The following SGMS1 variants were observed in gnomAD, a reference collection of about 807,000 sequenced individuals.
SGMS1 encodes the protein phosphatidylcholine:ceramide cholinephosphotransferase 1.
SGMS1 carries 13 observed loss-of-function variants against 46.2 expected under a neutral mutation model. The observed-to-expected ratio is 0.28, with a 90% confidence interval of 0.18 to 0.45. The LOEUF (loss-of-function observed/expected upper bound fraction) is 0.45, where lower values mean the gene tolerates loss of function less well. SGMS1 is among the 20% of genes least tolerant of loss of function. SGMS1 has a pLI of 1.00. For synonymous variants in SGMS1, 203 were observed against 187.8 expected (o/e 1.08, Z -0.66); for missense variants, 324 against 519.9 (o/e 0.62, Z 3.66).
At chr10:50,546,050 A>T (rs1347159493) in intron 2 of SGMS1, among the ~76,000 whole-genome samples, 1 of 152,172 alleles carries the variant, frequency 6.6e-6, no homozygotes, top group Non-Finnish European at 1.5e-5. Flanking sequence ...GGGAAGTCTA[A>T]ATACTTCTAA....
intron 2 of SGMS1, among the ~76,000 whole-genome samples, chr10:50,523,041 T>C (rs1019444142): frequency 6.6e-6 from 1 of 152,162 alleles, no homozygotes; most frequent in African/African-American, 2.4e-5. Flanking sequence ...GCGGGGAAAG[T>C]GTTCAAGCAG....
intron 2 of SGMS1, among the ~76,000 whole-genome samples, chr10:50,578,065 T>C (rs1283245141): frequency 3.3e-5 from 5 of 152,232 alleles, no homozygotes; most frequent in African/African-American, 9.6e-5. Flanking sequence ...GAGCAGATCA[T>C]GAAATAATCC....
chr10:50,400,836 TC>T (rs1264600289), intron 6 of SGMS1, among the ~76,000 whole-genome samples: 3 of 152,140 alleles, frequency 2.0e-5, no homozygotes, highest in African/African-American at 4.8e-5. Context: ...AGTTGTCAGA[TC>T]CTGTCTTATG....
At chr10:50,513,738 C>T (rs111579807) in intron 3 of SGMS1, among the ~76,000 whole-genome samples, 215 of 152,230 alleles carry the variant, frequency 1.4e-3, no homozygotes, top group African/African-American at 4.8e-3. Context: ...CATTTAGACC[C>T]AGACTGTTTC....
chr10:50,445,083 T>C (rs1338094994), intron 5 of SGMS1, among the ~76,000 whole-genome samples: 1 of 152,114 alleles, frequency 6.6e-6, no homozygotes, highest in East Asian at 1.9e-4. Flanking sequence ...AGAGGACACA[T>C]GAATGGCCAA....
intron 2 of SGMS1, among the ~76,000 whole-genome samples, chr10:50,576,189 T>C (rs1165850801): frequency 6.6e-6 from 1 of 152,140 alleles, no homozygotes; most frequent in African/African-American, 2.4e-5. Flanking sequence ...AGACAGGTAA[T>C]GGATGTGCTG....
intron 2 of SGMS1, among the ~76,000 whole-genome samples, chr10:50,567,368 T>C (rs1838298087): frequency 6.6e-6 from 1 of 152,228 alleles, no homozygotes; most frequent in South Asian, 2.1e-4. Context: ...TGACCGTATA[T>C]TCTAGTGGTG....
chr10:50,449,640 CGTGTGTGT>C (rs10581530), intron 5 of SGMS1, among the ~76,000 whole-genome samples: 6 of 150,076 alleles, frequency 4.0e-5, no homozygotes, highest in African/African-American at 1.2e-4. Context: ...AGTGTGTGCA[CGTGTGTGT>C]GTGTGTGTGT....
intron 1 of SGMS1, among the ~76,000 whole-genome samples, chr10:50,591,327 C>T (rs7088141): frequency 0.21 from 31,815 of 152,074 alleles, 4,301 homozygotes; most frequent in East Asian, 0.64. Flanking sequence ...TCTCACTATA[C>T]AGATCACCTC....
intron 5 of SGMS1, among the ~76,000 whole-genome samples, chr10:50,458,730 A>G (rs1424810252): frequency 6.6e-6 from 1 of 152,052 alleles, no homozygotes; most frequent in Admixed American, 6.5e-5. Flanking sequence ...TTCATCTTTC[A>G]GTGAGGTTGA....
rs1242934822 is a variant in SGMS1, at chr10:50,305,847, T to C, written c.*1295A>G. ...ACGTAAAATACAGAATGGATATATA[T>C]ACTTCTTCATTCTTAAAAAACTATT... On this transcript the variant is annotated 3_prime_UTR_variant, in exon 11 of 11. Coordinates refer to ENST00000361781, the MANE Select transcript of SGMS1 (RefSeq NM_147156.4). 5 of 152,726 alleles carry C rather than the reference T, an allele frequency of 3.3e-5. No homozygotes were observed. Among genetic ancestry groups the C allele is most frequent in the African/African-American group, 1.2e-4 (5 of 41,470 alleles). The allele number at this position is 152,726 out of a possible 1,614,324, so 9.5% of individuals were successfully genotyped here.
chr10:50,314,826 T>A (rs1289653252), intron 8 of SGMS1, among the ~76,000 whole-genome samples: 1 of 151,934 alleles, frequency 6.6e-6, no homozygotes, highest in Non-Finnish European at 1.5e-5. Context: ...AAGGCTAAGG[T>A]GGGAGGATCC....
intron 1 of SGMS1, among the ~76,000 whole-genome samples, chr10:50,603,913 C>A (rs1838671273): frequency 6.6e-6 from 1 of 152,064 alleles, no homozygotes; most frequent in South Asian, 2.1e-4. Context: ...ACTAAATTTT[C>A]AAAAATGTAG....
intron 3 of SGMS1, among the ~76,000 whole-genome samples, chr10:50,477,721 C>T (rs1456738927): frequency 6.6e-6 from 1 of 152,156 alleles, no homozygotes; most frequent in African/African-American, 2.4e-5. Context: ...AGTGCTGTCT[C>T]ATGATAGAGT....
intron 6 of SGMS1, among the ~76,000 whole-genome samples, chr10:50,402,526 C>T (rs1050012270): frequency 2.6e-5 from 4 of 152,102 alleles, no homozygotes; most frequent in African/African-American, 9.7e-5. Flanking sequence ...CACAGTATTG[C>T]CCTTCATAGG....
intron 7 of SGMS1, among the ~76,000 whole-genome samples, chr10:50,329,588 G>A (rs968375617): frequency 2.6e-5 from 4 of 152,058 alleles, no homozygotes; most frequent in African/African-American, 9.7e-5. Context: ...TGCACTTCTG[G>A]GCGTTCACTT....
At chr10:50,612,841 T>A (rs1838763196) in intron 1 of SGMS1, among the ~76,000 whole-genome samples, 1 of 152,228 alleles carries the variant, frequency 6.6e-6, no homozygotes, top group African/African-American at 2.4e-5. Context: ...CCTGAGTAGC[T>A]AGGATTACAG....
At chr10:50,413,494 T>C (rs1252839228) in intron 6 of SGMS1, among the ~76,000 whole-genome samples, 1 of 152,230 alleles carries the variant, frequency 6.6e-6, no homozygotes, top group Non-Finnish European at 1.5e-5. Context: ...AATACATACA[T>C]TGAACTTGTA....
At chr10:50,520,465 G>C (rs1439541444) in intron 2 of SGMS1, among the ~76,000 whole-genome samples, 1 of 152,044 alleles carries the variant, frequency 6.6e-6, no homozygotes, top group Non-Finnish European at 1.5e-5. Context: ...GCTTTCACAT[G>C]CATTTTCTCA....
Sources: allele counts gnomAD v4.1 joint callset (sites outside exome capture counted in the v4.1 genomes callset), GRCh38; gene constraint gnomAD v4.1.1; transcripts MANE v1.5; gene names NCBI Gene and HGNC (gene_info 2026-07-23, HGNC 2026-07-21).